KIF15: variants seen among roughly 807,000 people sequenced by gnomAD.
The protein encoded by KIF15 is kinesin family member 15.
In KIF15, 140 loss-of-function variants were observed where a neutral mutation model predicts 190.6. That is an observed-to-expected ratio of 0.73 (90% CI 0.64 to 0.84). KIF15 has a LOEUF of 0.84. Among genes scored for constraint, KIF15 ranks in the 40% least tolerant of loss-of-function variants. The pLI is 0.00. For missense variants in KIF15, 1,372 were observed against 1,584.4 expected (o/e 0.87, Z 2.28); for synonymous variants, 528 against 551.3 (o/e 0.96, Z 0.59).
Position 44,786,567 on chromosome 3 carries a change from C to T in KIF15, c.632C>T (p.Ala211Val), listed in dbSNP as rs34862960. ...VEQVVTSAAE[A>V]YQVLSGGWRN... ...CAGGTGGTAACCTCAGCTGCTGAAG[C>T]CTATCAGGTACCCTGCCATGAGTAC... Residue 211 changes from alanine to valine, a missense_variant, in exon 7 of 35, where the codon GCC becomes GTC. Transcript: ENST00000326047. The T allele has an allele frequency of 3.2e-3, 5,148 of 1,609,804 alleles. 16 individuals are homozygous for T. The highest frequency in any genetic ancestry group is 6.8e-3 in the Middle Eastern group (41 of 6,036).
chr3:44,780,753 T>C, intron 4 of KIF15, 132 bp from the exon 5 acceptor site: 1 of 562,968 alleles, frequency 1.8e-6, no homozygotes, highest in East Asian at 3.2e-5. Context: ...TCACTTTTTA[T>C]CTAATAGAAT....
At chr3:44,773,461 C>G (rs535606913) in intron 1 of KIF15, among the ~76,000 whole-genome samples, 1 of 152,170 alleles carries the variant, frequency 6.6e-6, no homozygotes, top group Non-Finnish European at 1.5e-5. Context: ...AACTGCCACT[C>G]GCCCCACTTG....
At chr3:44,847,945 G>A (rs1009921956) in intron 30 of KIF15, 40 bp from the exon 31 acceptor site, 3 of 1,412,730 alleles carry the variant, frequency 2.1e-6, no homozygotes, top group Non-Finnish European at 3.0e-6. Context: ...ACTTAGCAGT[G>A]TTTTCCTATG....
downstream of KIF15, among the ~76,000 whole-genome samples, chr3:44,857,830 G>A (rs1040332122): frequency 1.2e-4 from 19 of 152,172 alleles, no homozygotes; most frequent in African/African-American, 3.9e-4. Flanking sequence ...GGTAGGTAAC[G>A]GATGGAGAAG....
At chr3:44,814,529 T>G (rs1707941389) in intron 19 of KIF15, among the ~76,000 whole-genome samples, 1 of 152,174 alleles carries the variant, frequency 6.6e-6, no homozygotes, top group African/African-American at 2.4e-5. Context: ...CAGTCTGGTC[T>G]CGAACTCCTG....
intron 20 of KIF15, among the ~76,000 whole-genome samples, chr3:44,824,210 T>C (rs1056435218): frequency 6.6e-6 from 1 of 152,248 alleles, no homozygotes; most frequent in African/African-American, 2.4e-5. Flanking sequence ...ACATAGCATT[T>C]TAAAAATTGA....
chr3:44,861,137 A>G (rs1012610272), intron 6 of KIF15, among the ~76,000 whole-genome samples: 59 of 152,140 alleles, frequency 3.9e-4, no homozygotes, highest in Non-Finnish European at 8.4e-4. Context: ...GATTACAGGC[A>G]TGCACCACCA....
chr3:44,774,423 G>A lies in KIF15; in HGVS notation c.48G>A (p.Gln16=). ...AGTTACGCAGCGTGACAAATGGTCAGTCTAACCAACCAAGGTAAGGAGAAA... is the reference window on the plus strand; with the variant it reads ...AGTTACGCAGCGTGACAAATGGTCAATCTAACCAACCAAGGTAAGGAGAAA... ...KTELRSVTNG[Q]SNQPSNEGDA... Residue 16 remains glutamine, a synonymous_variant, in exon 2 of 35, where the codon CAG becomes CAA. Coordinates refer to ENST00000326047, the MANE Select transcript of KIF15 (RefSeq NM_020242.3). 1 of 1,612,924 alleles carries A rather than the reference G, an allele frequency of 6.2e-7. No homozygotes were observed. The highest frequency in any genetic ancestry group is 8.5e-7 in the Non-Finnish European group (1 of 1,179,404).
At chr3:44,849,662 T>C (rs754465047) in intron 32 of KIF15, among the ~76,000 whole-genome samples, 1 of 152,120 alleles carries the variant, frequency 6.6e-6, no homozygotes, top group African/African-American at 2.4e-5. Context: ...TTATATTGAT[T>C]TAATATATTT....
At position 44,814,926 on chromosome 3, in the gene KIF15, TACATG is replaced by T; in HGVS notation, c.2402_2406del (p.His801ProfsTer9). ...TGTTTTTTAGTTTTGAAAAGTGAGG[TACATG>T]ACCTGCGAGTAGTCCTTCATTCTGC... On this transcript the variant is annotated frameshift_variant, in exon 20 of 35. Coordinates refer to ENST00000326047, the MANE Select transcript of KIF15 (RefSeq NM_020242.3). LOFTEE classifies it high-confidence loss of function. 1.2e-6 allele frequency: 2 copies of T among 1,602,116 alleles called. No individual in the cohort carries two copies. Among genetic ancestry groups the T allele is most frequent in the Non-Finnish European group, 1.7e-6 (2 of 1,176,606 alleles).
intron 26 of KIF15, among the ~76,000 whole-genome samples, chr3:44,837,290 G>A (rs1238538896): frequency 6.6e-6 from 1 of 152,204 alleles, no homozygotes; most frequent in Non-Finnish European, 1.5e-5. Context: ...TGGGGAGGTA[G>A]TCTGGTAATA....
At chr3:44,773,584 C>T (rs917150183) in intron 1 of KIF15, among the ~76,000 whole-genome samples, 3 of 152,156 alleles carry the variant, frequency 2.0e-5, no homozygotes, top group African/African-American at 4.8e-5. Context: ...AAGGAAAATG[C>T]CACAGAAAGG....
intron 20 of KIF15, among the ~76,000 whole-genome samples, chr3:44,823,721 G>A (rs1192022346): frequency 1.3e-5 from 2 of 152,198 alleles, no homozygotes; most frequent in Admixed American, 6.5e-5. Flanking sequence ...CAGCAATGGC[G>A]GATGGCCCTC....
intron 18 of KIF15, among the ~76,000 whole-genome samples, chr3:44,812,856 G>C (rs1707851084): frequency 6.6e-6 from 1 of 152,008 alleles, no homozygotes; most frequent in South Asian, 2.1e-4. Context: ...GTGGTGGCGT[G>C]GGTCTGTAGT....
intron 6 of KIF15, chr3:44,863,266 A>G (rs1245481900): frequency 1.5e-5 from 2 of 136,844 alleles, no homozygotes; most frequent in Non-Finnish European, 3.0e-5. Flanking sequence ...CTGCTGAGAA[A>G]CCATTACAAG....
chr3:44,799,871 C>T (rs115785977), intron 10 of KIF15, among the ~76,000 whole-genome samples: 142 of 152,188 alleles, frequency 9.3e-4, no homozygotes, highest in African/African-American at 3.3e-3. Flanking sequence ...CAAGCTCAAG[C>T]CCACCCTGCA....
chr3:44,860,291 AGT>A (rs1699225960), intron 6 of KIF15, among the ~76,000 whole-genome samples: 2 of 152,116 alleles, frequency 1.3e-5, no homozygotes, highest in African/African-American at 4.8e-5. Context: ...TACTCAATGG[AGT>A]GGTGCAGTGA....
At chr3:44,802,720 T>A (rs1039879660) in intron 13 of KIF15, 94 bp from the exon 14 acceptor site, 11 of 1,266,920 alleles carry the variant, frequency 8.7e-6, no homozygotes, top group Non-Finnish European at 1.1e-5. Flanking sequence ...GTAGTGCATG[T>A]GCATACCTAG....
downstream of KIF15, among the ~76,000 whole-genome samples, chr3:44,856,818 C>T (rs1280164918): frequency 1.3e-5 from 2 of 152,102 alleles, no homozygotes; most frequent in African/African-American, 4.8e-5. Context: ...GTGAGGAAAC[C>T]TCTTTCTGCC....
Sources: allele counts gnomAD v4.1 joint callset (sites outside exome capture counted in the v4.1 genomes callset), GRCh38; gene constraint gnomAD v4.1.1; transcripts MANE v1.5; gene names NCBI Gene and HGNC (gene_info 2026-07-23, HGNC 2026-07-21).